The following CTNNA3 variants were observed in gnomAD, a reference collection of about 807,000 sequenced individuals.
CTNNA3 encodes catenin alpha 3, also known as catenin alpha-3.
CTNNA3 carries 76 observed loss-of-function variants against 95.7 expected under a neutral mutation model. The observed-to-expected ratio is 0.79, with a 90% confidence interval of 0.66 to 0.96. CTNNA3 has a LOEUF of 0.96. Among genes scored for constraint, CTNNA3 ranks in the 40% least tolerant of loss-of-function variants. The pLI is 0.00. For synonymous variants in CTNNA3, 431 were observed against 374.4 expected, an observed-to-expected ratio of 1.15 and a Z score of -1.74; for missense variants, 1,191 against 1,089.8, an observed-to-expected ratio of 1.09 and a Z score of -1.31.
At chr10:66,967,688 A>T (rs1482012437) in intron 7 of CTNNA3, among the ~76,000 whole-genome samples, 3 of 152,122 alleles carry the variant, frequency 2.0e-5, no homozygotes, top group Admixed American at 1.3e-4. Context: ...TTAAAAATGA[A>T]CGTTCTAAAA....
At chr10:67,183,596 G>A (rs1460854908) in intron 6 of CTNNA3, among the ~76,000 whole-genome samples, 3 of 151,850 alleles carry the variant, frequency 2.0e-5, no homozygotes, top group African/African-American at 7.3e-5. Context: ...GTTAAATGAC[G>A]AGTTAATGGG....
chr10:66,777,930 A>G (rs1423105174), intron 7 of CTNNA3, among the ~76,000 whole-genome samples: 1 of 152,148 alleles, frequency 6.6e-6, no homozygotes, highest in Non-Finnish European at 1.5e-5. Context: ...TCTCAGAGCT[A>G]GCAGCAGAAG....
At chr10:67,000,761 T>C (rs1851636170) in intron 7 of CTNNA3, among the ~76,000 whole-genome samples, 1 of 152,082 alleles carries the variant, frequency 6.6e-6, no homozygotes, top group Non-Finnish European at 1.5e-5. Flanking sequence ...ACCTGACAAT[T>C]ACAATAAAAT....
chr10:66,697,271 T>C (rs979231409), intron 9 of CTNNA3, among the ~76,000 whole-genome samples: 2 of 150,028 alleles, frequency 1.3e-5, no homozygotes, highest in Non-Finnish European at 3.0e-5. Context: ...TATATAGATA[T>C]ATAGATATCT....
At chr10:67,403,170 C>T (rs1383117007) in intron 5 of CTNNA3, among the ~76,000 whole-genome samples, 2 of 152,220 alleles carry the variant, frequency 1.3e-5, no homozygotes, top group African/African-American at 2.4e-5. Context: ...CACAGCACAG[C>T]TGCTCTATGA....
intron 5 of CTNNA3, among the ~76,000 whole-genome samples, chr10:67,349,293 GA>G (rs1318566655): frequency 3.2e-4 from 48 of 152,034 alleles, no homozygotes; most frequent in Admixed American, 3.1e-3. Context: ...CTAAAATGTG[GA>G]AACAATCTAA....
At chr10:67,628,355 GAGTAA>G (rs1839028866) in intron 2 of CTNNA3, among the ~76,000 whole-genome samples, 1 of 151,726 alleles carries the variant, frequency 6.6e-6, no homozygotes, top group Non-Finnish European at 1.5e-5. Context: ...AACTGTCAAA[GAGTAA>G]AGGTTTTGGC....
chr10:65,940,452 C>A (rs1456826633), intron 17 of CTNNA3, among the ~76,000 whole-genome samples: 1 of 152,110 alleles, frequency 6.6e-6, no homozygotes, highest in East Asian at 1.9e-4. Context: ...ATATTAATGG[C>A]CACTATTCAC....
chr10:67,698,301 G>A (rs1430556496), upstream of CTNNA3, among the ~76,000 whole-genome samples: 2 of 151,982 alleles, frequency 1.3e-5, no homozygotes, highest in African/African-American at 2.4e-5. Context: ...CAATTCTCCC[G>A]AGGTAATCAA....
chr10:67,253,034 G>T (rs1044206785), intron 5 of CTNNA3, among the ~76,000 whole-genome samples: 4 of 152,032 alleles, frequency 2.6e-5, no homozygotes, highest in African/African-American at 9.7e-5. Context: ...ACTAATTCAA[G>T]AAATTTCAAT....
intron 7 of CTNNA3, among the ~76,000 whole-genome samples, chr10:66,880,389 C>T (rs978973932): frequency 1.3e-5 from 2 of 152,082 alleles, no homozygotes; most frequent in African/African-American, 4.8e-5. Context: ...ATAAAGAGAG[C>T]TACCCTGGAG....
At chr10:66,467,754 T>C (rs1471517890) in intron 11 of CTNNA3, among the ~76,000 whole-genome samples, 1 of 152,092 alleles carries the variant, frequency 6.6e-6, no homozygotes, top group Non-Finnish European at 1.5e-5. Context: ...AGAACTTAGA[T>C]TGTCCTGCTC....
At chr10:66,499,873 G>A (rs1217070692) in intron 11 of CTNNA3, among the ~76,000 whole-genome samples, 2 of 147,560 alleles carry the variant, frequency 1.4e-5, no homozygotes, top group Non-Finnish European at 1.5e-5. Context: ...CACGATCTCC[G>A]CTCACTGCAA....
intron 3 of CTNNA3, among the ~76,000 whole-genome samples, chr10:67,595,882 C>T (rs1480350119): frequency 6.6e-6 from 1 of 152,058 alleles, no homozygotes; most frequent in Non-Finnish European, 1.5e-5. Flanking sequence ...TTATGAAATG[C>T]CCTTCTTTGT....
chr10:66,665,291 G>C (rs1457618426), intron 9 of CTNNA3, among the ~76,000 whole-genome samples: 1 of 152,154 alleles, frequency 6.6e-6, no homozygotes, highest in Non-Finnish European at 1.5e-5. Context: ...TTGGTTCATG[G>C]AGGATAAAAA....
chr10:66,918,453 C>A (rs2140380), intron 7 of CTNNA3, among the ~76,000 whole-genome samples: 12,726 of 152,118 alleles, frequency 0.084, 631 homozygotes, highest in African/African-American at 0.14. Context: ...ATAGATGCCC[C>A]AAATATCCAC....
At chr10:66,635,002 T>C (rs555306448) in intron 9 of CTNNA3, among the ~76,000 whole-genome samples, 1 of 152,232 alleles carries the variant, frequency 6.6e-6, no homozygotes, top group Non-Finnish European at 1.5e-5. Flanking sequence ...TTTTGCCAAA[T>C]ATATTTCCCT....
intron 13 of CTNNA3, among the ~76,000 whole-genome samples, chr10:66,215,476 A>T (rs931721280): frequency 1.3e-5 from 2 of 152,194 alleles, no homozygotes; most frequent in Non-Finnish European, 2.9e-5. Flanking sequence ...GTCACACATG[A>T]AAATATACAA....
At chr10:66,210,803 T>C (rs749493972) in intron 13 of CTNNA3, among the ~76,000 whole-genome samples, 2 of 152,218 alleles carry the variant, frequency 1.3e-5, no homozygotes, top group African/African-American at 4.8e-5. Flanking sequence ...AATTCACATG[T>C]AGTTTACAAT....
Sources: gnomAD v4.1 joint callset for allele counts (sites outside exome capture counted in the v4.1 genomes callset) on GRCh38, gnomAD v4.1.1 for gene constraint, MANE v1.5 for transcripts, NCBI Gene and HGNC (gene_info 2026-07-23, HGNC 2026-07-21) for gene names.